Variants in SH3BP4 observed in about 807,000 individuals in gnomAD.
SH3BP4 encodes SH3 domain binding protein 4.
In SH3BP4, 33 loss-of-function variants were observed where a neutral mutation model predicts 65.5. The ratio of observed to expected loss-of-function variants is 0.50; its 90% confidence interval spans 0.38 to 0.67. The LOEUF (loss-of-function observed/expected upper bound fraction) is 0.67, where lower values mean the gene tolerates loss of function less well. SH3BP4 is among the 30% of genes least tolerant of loss of function. The pLI is 0.00. For missense variants in SH3BP4, 1,134 were observed against 1,261.4 expected (o/e 0.90, Z 1.53); for synonymous variants, 552 against 545.5 (o/e 1.01, Z -0.17).
At position 235,001,738 on chromosome 2, in the gene SH3BP4, A is replaced by G. The variant is rs578123562; in HGVS notation, c.-133+6362A>G. On this transcript the variant is annotated intron_variant, in intron 2 of 5. Transcript: ENST00000392011. Reference sequence around the variant, plus strand: ...CATCCGGGAAGCCTGTGTACAGGTGACTGGAGAGATGAGTTCTCACGGACC... The same window carrying G: ...CATCCGGGAAGCCTGTGTACAGGTGGCTGGAGAGATGAGTTCTCACGGACC... Among the ~76,000 whole-genome samples, 17 of 152,334 alleles carry G rather than the reference A, an allele frequency of 1.1e-4. No individual in the cohort carries two copies. In the South Asian group the frequency reaches 3.3e-3, roughly 30 times the overall value.
At position 235,042,632 on chromosome 2, in the gene SH3BP4, G is replaced by A. The variant is rs780362278; in HGVS notation, c.1863G>A (p.Gly621=). 6.2e-7 allele frequency: 1 copy of A among 1,614,092 alleles called. No homozygotes were observed. Among genetic ancestry groups the A allele is most frequent in the South Asian group, 1.1e-5 (1 of 91,074 alleles). ...PPPKSAIKPS[G]QRRFLKKNEV... is the part of the protein sequence containing the mutation. ...CTAAAAGTGCCATCAAGCCTTCCGG[G>A]CAAAGGAGGTTTCTCAAGAAGAACG... The change falls in exon 4 of 6, where the codon GGG becomes GGA. Residue 621 remains glycine, a synonymous_variant. Transcript: ENST00000392011. This position sits in a 1 kb window ranked among gnomAD's most constrained non-coding sequence, Gnocchi z 7.3.
intron 4 of SH3BP4, among the ~76,000 whole-genome samples, chr2:235,050,916 G>T (rs1696030108): frequency 6.6e-6 from 1 of 152,188 alleles, no homozygotes; most frequent in South Asian, 2.1e-4. Context: ...ACAGAGCGTA[G>T]AGAGAAAGAA....
At chr2:235,015,479 G>A (rs75105973) in intron 2 of SH3BP4, among the ~76,000 whole-genome samples, 2,528 of 152,306 alleles carry the variant, frequency 0.017, 67 homozygotes, top group African/African-American at 0.056. Flanking sequence ...AGAGGTCAGC[G>A]ACTTCCCCAG....
Position 235,033,517 on chromosome 2 carries a change from A to G in SH3BP4, c.-132-1354A>G, listed in dbSNP as rs995527762. ...TTCTCTCCAGACAGCGTTCAGGTGC[A>G]GAATGCAGCCTTCTGAGGCCTTGAG... On this transcript the variant is annotated intron_variant, in intron 2 of 5. Transcript: ENST00000392011. The surrounding 1 kb of genome is among the most constrained non-coding windows in gnomAD (Gnocchi z 5.7). Among the ~76,000 whole-genome samples the G allele has an allele frequency of 1.3e-5, 2 of 152,242 alleles. No homozygotes were observed. The highest frequency in any genetic ancestry group is 2.4e-5 in the African/African-American group (1 of 41,462).
rs377496734 is a variant in SH3BP4, at chr2:235,017,894, C to T, written c.-132-16977C>T. 1.6e-4 allele frequency among the ~76,000 whole-genome samples: 24 copies of T among 152,138 alleles called. 1 individual carries two copies. The highest frequency in any genetic ancestry group is 4.6e-4 in the African/African-American group (19 of 41,510). On this transcript the variant is annotated intron_variant, in intron 2 of 5. Coordinates refer to ENST00000392011, the MANE Select transcript of SH3BP4 (RefSeq NM_014521.3). ...CCAGTTTTTTTGGTTCTTCCTGAAA[C>T]GCAGCAAGACTCTTGGTGGGTCCAC...
At chr2:235,024,137 G>A (rs1412511732) in intron 2 of SH3BP4, among the ~76,000 whole-genome samples, 1 of 152,202 alleles carries the variant, frequency 6.6e-6, no homozygotes, top group Non-Finnish European at 1.5e-5. Context: ...TTCACAAATT[G>A]TACTCATTGC....
intron 4 of SH3BP4, among the ~76,000 whole-genome samples, chr2:235,048,934 A>G (rs553528013): frequency 6.6e-6 from 1 of 152,346 alleles, no homozygotes; most frequent in South Asian, 2.1e-4. Context: ...AGGAAGCTGC[A>G]AGGATCAAGT....
At chr2:235,036,740 A>AAATAATAATAATAATAATAAT (rs1553567054) in intron 3 of SH3BP4, among the ~76,000 whole-genome samples, 7,023 of 141,674 alleles carry the variant, frequency 0.05, 225 homozygotes, top group African/African-American at 0.058. Context: ...TCTATATAAA[A>AAATAATAATAATAATAATAAT]AATAATAATA....
intron 1 of SH3BP4, among the ~76,000 whole-genome samples, chr2:234,969,992 C>T (rs1017768790): frequency 2.0e-5 from 3 of 151,708 alleles, no homozygotes; most frequent in Admixed American, 6.6e-5. Context: ...CTCCCACATA[C>T]ACACACTCGC....
At chr2:235,019,298 AGAG>A (rs1176427481) in intron 2 of SH3BP4, among the ~76,000 whole-genome samples, 5 of 152,066 alleles carry the variant, frequency 3.3e-5, no homozygotes, top group South Asian at 4.2e-4. Context: ...GGTAATAGAG[AGAG>A]GAGATCAGAC....
intron 2 of SH3BP4, among the ~76,000 whole-genome samples, chr2:235,024,492 A>G (rs989267746): frequency 6.6e-6 from 1 of 152,142 alleles, no homozygotes; most frequent in African/African-American, 2.4e-5. Context: ...TGAGCCTCAG[A>G]CATGGCATGT....
rs138538877 is a variant in SH3BP4, at chr2:234,991,765, C to T, written c.-206-3538C>T. Among the ~76,000 whole-genome samples the T allele has an allele frequency of 9.9e-5, 15 of 152,236 alleles. No individual in the cohort carries two copies. The highest frequency in any genetic ancestry group is 3.4e-4 in the African/African-American group (14 of 41,526). On this transcript the variant is annotated intron_variant, in intron 1 of 5. Transcript: ENST00000392011. The surrounding 1 kb of genome is among the most constrained non-coding windows in gnomAD (Gnocchi z 4.2). ...AGTTGGGGAAGTGGAAAGGGGCCAG[C>T]GGTCTTGTCCACTGAATCCATCCAC...
chr2:235,008,973 G>A (rs1018594073), intron 2 of SH3BP4, among the ~76,000 whole-genome samples: 37 of 152,310 alleles, frequency 2.4e-4, no homozygotes, highest in African/African-American at 8.4e-4. Context: ...GGGCTGGGCT[G>A]ACATTTGCCC....
rs1693742123 is a variant in SH3BP4, at chr2:234,991,341, A to G, written c.-206-3962A>G. On this transcript the variant is annotated intron_variant, in intron 1 of 5. Transcript: ENST00000392011. The surrounding 1 kb of genome is among the most constrained non-coding windows in gnomAD (Gnocchi z 4.2). ...GATTTGTCATCAGCTGAGACTGTCA[A>G]CCATTGTTAAAACAGCTACTCAGAT... Among the ~76,000 whole-genome samples, 3 of 152,148 alleles carry G rather than the reference A, an allele frequency of 2.0e-5. No individual in the cohort carries two copies. Among genetic ancestry groups the G allele is most frequent in the South Asian group, 2.1e-4 (1 of 4,824 alleles).
intron 2 of SH3BP4, among the ~76,000 whole-genome samples, chr2:235,022,241 C>T (rs1694865220): frequency 6.6e-6 from 1 of 152,144 alleles, no homozygotes; most frequent in South Asian, 2.1e-4. Flanking sequence ...TGATAATCCA[C>T]AAGGTAGGAC....
chr2:234,992,114 G>A (rs1156383575), intron 1 of SH3BP4, among the ~76,000 whole-genome samples: 1 of 152,258 alleles, frequency 6.6e-6, no homozygotes, highest in African/African-American at 2.4e-5. Context: ...AATCAGTGCT[G>A]AAAGCCACAG....
chr2:234,999,812 A>G (rs1446687337), intron 2 of SH3BP4, among the ~76,000 whole-genome samples: 1 of 152,252 alleles, frequency 6.6e-6, no homozygotes, highest in Non-Finnish European at 1.5e-5. Context: ...TGAATTGGTC[A>G]TCAAAAATTA....
intron 1 of SH3BP4, chr2:234,979,380 T>C (rs146480543): frequency 6.6e-6 from 1 of 152,378 alleles, no homozygotes; most frequent in African/African-American, 2.4e-5. Context: ...CTGCTGTTTT[T>C]TAGTTTTATC....
At chr2:234,960,182 T>C (rs556750895) in intron 1 of SH3BP4, among the ~76,000 whole-genome samples, 4 of 152,382 alleles carry the variant, frequency 2.6e-5, no homozygotes, top group Admixed American at 6.5e-5. Context: ...TCATGTAGAA[T>C]GCTAGGCCCA....
Sources: allele counts gnomAD v4.1 joint callset (sites outside exome capture counted in the v4.1 genomes callset), GRCh38; gene constraint gnomAD v4.1.1; non-coding constraint Gnocchi (gnomAD v3.1); transcripts MANE v1.5; gene names NCBI Gene and HGNC (gene_info 2026-07-23, HGNC 2026-07-21).